The following ST8SIA4 variants were observed in gnomAD, a reference collection of about 807,000 sequenced individuals.
The protein encoded by ST8SIA4 is CMP-N-acetylneuraminate-poly-alpha-2,8-sialyltransferase.
Under a neutral mutation model 33.9 loss-of-function variants are expected in ST8SIA4, and 15 were observed. That is an observed-to-expected ratio of 0.44 (90% CI 0.30 to 0.68). The LOEUF is 0.68. ST8SIA4 is among the 30% of genes least tolerant of loss of function. ST8SIA4 has a pLI of 0.10. For synonymous variants in ST8SIA4, 171 were observed against 151.2 expected (o/e 1.13, Z -0.96); for missense variants, 321 against 428.0 (o/e 0.75, Z 2.21).
At chr5:100,867,132 C>A (rs1029937891) in intron 3 of ST8SIA4, among the ~76,000 whole-genome samples, 2 of 152,002 alleles carry the variant, frequency 1.3e-5, no homozygotes, top group African/African-American at 4.8e-5. Flanking sequence ...CCTCAAAATT[C>A]TGCCTTTGTA....
chr5:100,811,612 A>C lies in ST8SIA4; in HGVS notation c.*235T>G. Reference sequence around the variant, plus strand: ...GTAAACACTACTGATTATACATTCAAACTGTATTCTTAGTGGAAGTGGCAC... The same window carrying C: ...GTAAACACTACTGATTATACATTCACACTGTATTCTTAGTGGAAGTGGCAC... On this transcript the variant is annotated 3_prime_UTR_variant, in exon 5 of 5. Coordinates refer to ENST00000231461, the MANE Select transcript of ST8SIA4 (RefSeq NM_005668.6). The C allele has an allele frequency of 2.1e-6, 1 of 469,350 alleles. No homozygotes were observed. Among genetic ancestry groups the C allele is most frequent in the Non-Finnish European group, 3.9e-6 (1 of 259,566 alleles). 29.1% of individuals were successfully genotyped at this position (469,350 alleles called of 1,614,324 possible).
chr5:100,873,289 A>T (rs1430904124), intron 3 of ST8SIA4, among the ~76,000 whole-genome samples: 1 of 152,096 alleles, frequency 6.6e-6, no homozygotes, highest in Non-Finnish European at 1.5e-5. Context: ...GAGTAAATAG[A>T]AGATAGTGAT....
intron 3 of ST8SIA4, among the ~76,000 whole-genome samples, chr5:100,871,889 T>C (rs1015656274): frequency 6.6e-6 from 1 of 152,124 alleles, no homozygotes; most frequent in African/African-American, 2.4e-5. Flanking sequence ...ATTACATTTA[T>C]AGTAATTAAT....
At chr5:100,882,592 A>C (rs544013837) in intron 3 of ST8SIA4, among the ~76,000 whole-genome samples, 33 of 152,346 alleles carry the variant, frequency 2.2e-4, no homozygotes, top group Admixed American at 5.9e-4. Flanking sequence ...AAATGTCTCC[A>C]AGGCATGTCA....
chr5:100,871,712 G>A (rs553816113), intron 3 of ST8SIA4, among the ~76,000 whole-genome samples: 1 of 152,014 alleles, frequency 6.6e-6, no homozygotes, highest in African/African-American at 2.4e-5. Flanking sequence ...CTATGACGAT[G>A]AACTCAAACA....
intron 1 of ST8SIA4, among the ~76,000 whole-genome samples, chr5:100,902,444 C>A (rs1282706153): frequency 5.3e-5 from 8 of 152,024 alleles, no homozygotes; most frequent in Admixed American, 5.2e-4. Context: ...TTCGAGAAAC[C>A]ATCTATCTCC....
intron 4 of ST8SIA4, among the ~76,000 whole-genome samples, chr5:100,830,391 T>C (rs1259104179): frequency 6.6e-6 from 1 of 152,182 alleles, no homozygotes; most frequent in African/African-American, 2.4e-5. Context: ...TAAAGTAAAA[T>C]TTGTAAAGTG....
At chr5:100,890,578 C>A (rs764283436) in intron 2 of ST8SIA4, 56 of 151,824 alleles carry the variant, frequency 3.7e-4, no homozygotes, top group Non-Finnish European at 7.4e-5. Context: ...TTTACCAGTA[C>A]AAGTTTTCCT....
chr5:100,850,783 G>GTATA (rs768091551), intron 4 of ST8SIA4, among the ~76,000 whole-genome samples: 81 of 123,752 alleles, frequency 6.5e-4, no homozygotes, highest in African/African-American at 2.0e-3. Context: ...GTGTAGATGT[G>GTATA]TATATATATA....
intron 3 of ST8SIA4, among the ~76,000 whole-genome samples, chr5:100,857,438 A>G (rs1751842451): frequency 6.6e-6 from 1 of 151,874 alleles, no homozygotes; most frequent in Admixed American, 6.6e-5. Context: ...GTTTTAGTTG[A>G]TAAAAGAAAA....
rs1251523790 is a variant in ST8SIA4, at chr5:100,807,866, T to C, written c.*3981A>G. On this transcript the variant is annotated 3_prime_UTR_variant, in exon 5 of 5. Coordinates refer to ENST00000231461, the MANE Select transcript of ST8SIA4 (RefSeq NM_005668.6). The stretch of plus-strand genomic sequence containing the variant: ...ATCACACATGTCTATTTGTACTATA[T>C]AGGTATATCTATAGCACATATATAA... 1.3e-5 allele frequency: 2 copies of C among 152,568 alleles called. No homozygotes were observed. The highest frequency in any genetic ancestry group is 2.9e-5 in the Non-Finnish European group (2 of 67,966). 9.5% of individuals were successfully genotyped at this position (152,568 alleles called of 1,614,324 possible). A position where few individuals can be genotyped will look rare whatever the true frequency, so the allele number is the denominator to read the frequency against.
chr5:100,901,438 T>C (rs974247606), intron 1 of ST8SIA4, among the ~76,000 whole-genome samples: 6 of 152,108 alleles, frequency 3.9e-5, no homozygotes, highest in South Asian at 4.2e-4. Context: ...TCATCACCTT[T>C]CTAAAGACCC....
intron 3 of ST8SIA4, among the ~76,000 whole-genome samples, chr5:100,882,116 G>C (rs975449520): frequency 6.6e-6 from 1 of 152,160 alleles, no homozygotes; most frequent in Admixed American, 6.5e-5. Context: ...GAACAAGACA[G>C]GAAAATGTGG....
intron 4 of ST8SIA4, among the ~76,000 whole-genome samples, chr5:100,845,670 C>T (rs1208495694): frequency 2.6e-5 from 4 of 151,586 alleles, no homozygotes; most frequent in South Asian, 2.1e-4. Flanking sequence ...AGCAGTATAG[C>T]GCTTTGTTCT....
At chr5:100,818,802 G>A (rs1388274088) in intron 4 of ST8SIA4, among the ~76,000 whole-genome samples, 1 of 152,128 alleles carries the variant, frequency 6.6e-6, no homozygotes, top group Non-Finnish European at 1.5e-5. Flanking sequence ...ATGAAGAAAG[G>A]AATGGAGATA....
chr5:100,834,374 T>A (rs989865052), intron 4 of ST8SIA4, among the ~76,000 whole-genome samples: 57 of 152,282 alleles, frequency 3.7e-4, no homozygotes, highest in African/African-American at 1.3e-3. Context: ...AAAGAAATAT[T>A]TTTATCTATG....
At chr5:100,864,436 A>T (rs10061665) in intron 3 of ST8SIA4, among the ~76,000 whole-genome samples, 2 of 151,924 alleles carry the variant, frequency 1.3e-5, no homozygotes, top group East Asian at 1.9e-4. Flanking sequence ...TTAGCTGGGC[A>T]TGGTGGCGGG....
intron 4 of ST8SIA4, among the ~76,000 whole-genome samples, chr5:100,847,576 G>A (rs1277852663): frequency 1.3e-5 from 2 of 152,034 alleles, no homozygotes; most frequent in Non-Finnish European, 2.9e-5. Flanking sequence ...ATTTTTGTTA[G>A]TCTTAATGCT....
chr5:100,870,309 G>A (rs1409531281), intron 3 of ST8SIA4, among the ~76,000 whole-genome samples: 1 of 152,120 alleles, frequency 6.6e-6, no homozygotes. Context: ...TTAAGATCAT[G>A]GAAAGTATTT....
Sources: allele counts gnomAD v4.1 joint callset (sites outside exome capture counted in the v4.1 genomes callset), GRCh38; gene constraint gnomAD v4.1.1; transcripts MANE v1.5; gene names NCBI Gene and HGNC (gene_info 2026-07-23, HGNC 2026-07-21).